Variants in TMEM74 observed in about 807,000 individuals in gnomAD.
The protein encoded by TMEM74 is transmembrane protein 74.
TMEM74 carries 13 observed loss-of-function variants against 18.1 expected under a neutral mutation model. The observed-to-expected ratio is 0.72, with a 90% CI of 0.47 to 1.14. The LOEUF (loss-of-function observed/expected upper bound fraction) is 1.14, where lower values mean the gene tolerates loss of function less well. Among genes scored for constraint, TMEM74 ranks in the 50% most tolerant of loss-of-function variants. TMEM74 has a pLI of 0.00. For missense variants in TMEM74, 372 were observed against 375.9 expected (o/e 0.99, Z 0.09); for synonymous variants, 159 against 146.6 (o/e 1.08, Z -0.61).
intron 2 of TMEM74, among the ~76,000 whole-genome samples, chr8:108,622,268 C>T (rs1333655765): frequency 6.6e-6 from 1 of 152,070 alleles, no homozygotes; most frequent in Non-Finnish European, 1.5e-5. Flanking sequence ...ACTGATGGAA[C>T]ATGGGTGAAA....
At chr8:108,718,247 C>A (rs753274208) in intron 1 of TMEM74, among the ~76,000 whole-genome samples, 4 of 71,034 alleles carry the variant, frequency 5.6e-5, no homozygotes, top group Non-Finnish European at 9.0e-5. Flanking sequence ...CGTGAGCCAC[C>A]GCGCCCGGCC....
At chr8:108,758,043 T>C (rs1813998238) in intron 1 of TMEM74, among the ~76,000 whole-genome samples, 2 of 152,046 alleles carry the variant, frequency 1.3e-5, no homozygotes, top group Admixed American at 1.3e-4. Flanking sequence ...GATGCTTTCT[T>C]AGAGACATAA....
chr8:108,693,495 A>G (rs755871653), intron 1 of TMEM74, among the ~76,000 whole-genome samples: 5 of 152,220 alleles, frequency 3.3e-5, no homozygotes, highest in Non-Finnish European at 5.9e-5. Context: ...ATGAAAGGGC[A>G]AAAACGGATG....
chr8:108,633,751 A>G (rs1363122450), intron 2 of TMEM74, among the ~76,000 whole-genome samples: 1 of 151,988 alleles, frequency 6.6e-6, no homozygotes, highest in Non-Finnish European at 1.5e-5. Flanking sequence ...TGATTTCCAA[A>G]TGCTCTCTAA....
rs1056985547 is a variant in TMEM74 at position 108,671,740 on chromosome 8, C to A, written n.120-16303G>T. 5.3e-5 allele frequency among the ~76,000 whole-genome samples: 8 copies of A among 151,934 alleles called. No individual in the cohort carries two copies. In the South Asian group the frequency reaches 8.3e-4, roughly 16 times the overall value. On this transcript the variant is annotated intron_variant and non_coding_transcript_variant, in intron 1 of 3. Transcript: ENST00000518838. ...CACAAATGGAGGGGAGGACCAACAG[C>A]TCAACTAGATTAAAACAAACTATGA...
At chr8:108,673,309 C>G (rs1335405170) in intron 1 of TMEM74, among the ~76,000 whole-genome samples, 1 of 152,282 alleles carries the variant, frequency 6.6e-6, no homozygotes, top group East Asian at 1.9e-4. Flanking sequence ...TGACTACACA[C>G]TTGGAGTACT....
chr8:108,751,208 C>A (rs1441160429), intron 1 of TMEM74, among the ~76,000 whole-genome samples: 2 of 152,008 alleles, frequency 1.3e-5, no homozygotes, highest in African/African-American at 4.8e-5. Flanking sequence ...GCACAACCTC[C>A]CCAACAAAAA....
intron 1 of TMEM74, among the ~76,000 whole-genome samples, chr8:108,740,744 G>A (rs181918302): frequency 5.9e-5 from 9 of 152,256 alleles, no homozygotes; most frequent in African/African-American, 2.2e-4. Context: ...TGCTGGGAAG[G>A]GGGTAAAATG....
chr8:108,695,296 C>G (rs1371791008), intron 1 of TMEM74, among the ~76,000 whole-genome samples: 1 of 152,146 alleles, frequency 6.6e-6, no homozygotes, highest in Non-Finnish European at 1.5e-5. Context: ...TAAATTAATG[C>G]AATGCAAATT....
intron 1 of TMEM74, among the ~76,000 whole-genome samples, chr8:108,734,664 T>C (rs899314519): frequency 7.2e-5 from 11 of 151,972 alleles, no homozygotes; most frequent in African/African-American, 2.7e-4. Flanking sequence ...TTCTTGTTAT[T>C]CAAAAAGAAA....
In TMEM74 at chr8:108,785,031, G is replaced by C; in HGVS notation, c.68C>G (p.Ser23Ter). The stretch of plus-strand genomic sequence containing the variant: ...TGCCTGGTCACCAGGCAGCCCTCTT[G>C]AACTCCAGTCCCTGGCATCACAGAG... The part of the protein sequence containing the change: ...ADLCDARDWS[S>*]RGLPGDQADT... Residue 23 changes from serine (S) to a stop codon, truncating the protein, a stop_gained, in exon 2 of 2, where the codon TCA (serine) becomes TGA (stop). Coordinates refer to ENST00000297459, the MANE Select transcript of TMEM74 (RefSeq NM_153015.3). LOFTEE classifies it high-confidence loss of function. The C allele has an allele frequency of 6.2e-7, 1 of 1,614,024 alleles. No individual in the cohort carries two copies. The highest frequency in any genetic ancestry group is 1.1e-5 in the South Asian group (1 of 91,040).
At position 108,782,681 on chromosome 8, in the gene TMEM74, A is replaced by G. The variant is rs1433498186; in HGVS notation, c.*1500T>C. 6.6e-6 allele frequency among the ~76,000 whole-genome samples: 1 copy of G among 152,218 alleles called. No homozygotes were observed. The highest frequency in any genetic ancestry group is 1.5e-5 in the Non-Finnish European group (1 of 68,042). The stretch of plus-strand genomic sequence containing the variant: ...TTTGAAATAGCCTTTAAAAATCTGC[A>G]AAGAAATCACTTTCTTACTTCCTCA... On this transcript the variant is annotated 3_prime_UTR_variant, in exon 2 of 2. Coordinates refer to ENST00000297459, the MANE Select transcript of TMEM74 (RefSeq NM_153015.3).
intron 1 of TMEM74, among the ~76,000 whole-genome samples, chr8:108,752,069 G>A (rs1229623068): frequency 6.6e-6 from 1 of 151,968 alleles, no homozygotes; most frequent in Non-Finnish European, 1.5e-5. Flanking sequence ...ATGAATGAAT[G>A]AATGACAACC....
chr8:108,745,702 G>A (rs1813842001), intron 1 of TMEM74, among the ~76,000 whole-genome samples: 2 of 151,990 alleles, frequency 1.3e-5, no homozygotes, highest in Non-Finnish European at 2.9e-5. Flanking sequence ...CCCTCATATC[G>A]TCTTATGCCC....
chr8:108,670,982 C>T (rs564997137), intron 1 of TMEM74, among the ~76,000 whole-genome samples: 6 of 151,972 alleles, frequency 3.9e-5, no homozygotes, highest in Non-Finnish European at 7.4e-5. Flanking sequence ...AATATCATAC[C>T]TATGCTTAGT....
intron 1 of TMEM74, among the ~76,000 whole-genome samples, chr8:108,683,658 A>G (rs772282589): frequency 1.1e-4 from 16 of 152,040 alleles, no homozygotes; most frequent in Non-Finnish European, 2.2e-4. Flanking sequence ...CATGTAATGT[A>G]TAGTGATCAG....
intron 1 of TMEM74, among the ~76,000 whole-genome samples, chr8:108,666,992 ATAGT>A (rs1209361392): frequency 6.6e-6 from 1 of 152,164 alleles, no homozygotes; most frequent in Admixed American, 6.6e-5. Context: ...TCCATTTAAA[ATAGT>A]TAGGTTCATC....
At chr8:108,612,643 T>A (rs1365652041) in intron 2 of TMEM74, among the ~76,000 whole-genome samples, 10 of 152,198 alleles carry the variant, frequency 6.6e-5, no homozygotes, top group Non-Finnish European at 1.2e-4. Context: ...AAGTGACCTA[T>A]CCAGCTCCAC....
At position 108,756,683 on chromosome 8, in the gene TMEM74, AGAAAGAAAGAAAGAAG is replaced by A. The variant is rs1210963494; in HGVS notation, n.119+30777_119+30792del. The stretch of plus-strand genomic sequence containing the variant: ...AAGAAAGAAAGAAAGAAAGAAAGAA[AGAAAGAAAGAAAGAAG>A]GAAGGAAAGAAAGAAAGAAAGAGAA... On this transcript the variant is annotated intron_variant and non_coding_transcript_variant, in intron 1 of 3. Transcript: ENST00000518838. 2.0e-3 allele frequency among the ~76,000 whole-genome samples: 225 copies of A among 112,382 alleles called. 4 individuals are homozygous for A. The highest frequency in any genetic ancestry group is 7.6e-3 in the African/African-American group (193 of 25,434). 73.7% of individuals were successfully genotyped at this position (112,382 alleles called of 152,430 possible). A position where few individuals can be genotyped will look rare whatever the true frequency, so the allele number is the denominator to read the frequency against.
Sources: allele counts gnomAD v4.1 joint callset (sites outside exome capture counted in the v4.1 genomes callset), GRCh38; gene constraint gnomAD v4.1.1; transcripts MANE v1.5; gene names NCBI Gene and HGNC (gene_info 2026-07-23, HGNC 2026-07-21).